MARCHF8: variants seen among roughly 807,000 people sequenced by gnomAD.
MARCHF8 encodes membrane associated ring-CH-type finger 8, also known as E3 ubiquitin-protein ligase MARCHF8.
In MARCHF8, 40 loss-of-function variants were observed where a neutral mutation model predicts 51.6. That is an observed-to-expected ratio of 0.77 (90% CI 0.60 to 1.01). The LOEUF (loss-of-function observed/expected upper bound fraction) is 1.01, where lower values mean the gene tolerates loss of function less well. MARCHF8 is among the 50% of genes least tolerant of loss of function. The pLI is 0.00. For synonymous variants in MARCHF8, 263 were observed against 280.3 expected, an observed-to-expected ratio of 0.94 and a Z score of 0.62; for missense variants, 685 against 708.6, an observed-to-expected ratio of 0.97 and a Z score of 0.38.
At chr10:45,562,762 G>T (rs1034375085) in intron 1 of MARCHF8, among the ~76,000 whole-genome samples, 3 of 152,270 alleles carry the variant, frequency 2.0e-5, no homozygotes, top group Non-Finnish European at 2.9e-5. Flanking sequence ...GCAAGTATGT[G>T]TCAGCAAACA....
chr10:45,527,004 C>T (rs1039156873), intron 2 of MARCHF8, among the ~76,000 whole-genome samples: 1 of 152,124 alleles, frequency 6.6e-6, no homozygotes, highest in African/African-American at 2.4e-5. Flanking sequence ...TGGAAATTAA[C>T]CTGCTCTTGA....
At chr10:45,565,946 A>G (rs1259999605) in intron 1 of MARCHF8, among the ~76,000 whole-genome samples, 2 of 152,222 alleles carry the variant, frequency 1.3e-5, no homozygotes, top group Non-Finnish European at 2.9e-5. Context: ...ACAGCACTAC[A>G]ATTCTTGTCT....
intron 2 of MARCHF8, among the ~76,000 whole-genome samples, chr10:45,512,004 A>T (rs1330138937): frequency 7.0e-6 from 1 of 142,770 alleles, no homozygotes; most frequent in African/African-American, 2.7e-5. Flanking sequence ...GGAAGTGAGG[A>T]GCGCCTCTTC....
At chr10:45,518,565 G>A (rs943471379) in intron 2 of MARCHF8, among the ~76,000 whole-genome samples, 10 of 152,114 alleles carry the variant, frequency 6.6e-5, no homozygotes, top group Non-Finnish European at 1.2e-4. Flanking sequence ...TTCAAAACCT[G>A]CCTCCTCAAA....
intron 2 of MARCHF8, among the ~76,000 whole-genome samples, chr10:45,525,311 A>G (rs978912907): frequency 3.3e-5 from 5 of 152,220 alleles, no homozygotes; most frequent in Non-Finnish European, 5.9e-5. Context: ...TATATAAAAT[A>G]CCACTTTTAT....
At chr10:45,512,905 C>T (rs2133206518) in intron 2 of MARCHF8, among the ~76,000 whole-genome samples, 1 of 152,090 alleles carries the variant, frequency 6.6e-6, no homozygotes, top group South Asian at 2.1e-4. Context: ...CCTTGGGATC[C>T]TGTTGATCGG....
At chr10:45,549,563 G>A (rs9422649) in intron 1 of MARCHF8, among the ~76,000 whole-genome samples, 2,075 of 152,250 alleles carry the variant, frequency 0.014, 23 homozygotes, top group Middle Eastern at 0.017. Flanking sequence ...GTCAAGAAGG[G>A]GGAAAAGAGA....
chr10:45,547,538 T>C (rs2044142214), intron 1 of MARCHF8, among the ~76,000 whole-genome samples: 1 of 152,182 alleles, frequency 6.6e-6, no homozygotes, highest in Admixed American at 6.5e-5. Context: ...TTAGAATGGA[T>C]AAAAATGCAC....
At chr10:45,492,588 C>A (rs978799588) in intron 2 of MARCHF8, among the ~76,000 whole-genome samples, 1 of 152,300 alleles carries the variant, frequency 6.6e-6, no homozygotes, top group Non-Finnish European at 1.5e-5. Flanking sequence ...TGAGCCACTG[C>A]GCCCAGCCTA....
chr10:45,546,148 T>G (rs1292828219), intron 1 of MARCHF8, among the ~76,000 whole-genome samples: 1 of 150,928 alleles, frequency 6.6e-6, no homozygotes, highest in Non-Finnish European at 1.5e-5. Flanking sequence ...TTTTATTTAT[T>G]TATTTATTTA....
chr10:45,583,323 T>C (rs1464939002), intron 1 of MARCHF8, among the ~76,000 whole-genome samples: 1 of 152,150 alleles, frequency 6.6e-6, no homozygotes, highest in Non-Finnish European at 1.5e-5. Context: ...ATTGCCACTA[T>C]CCAATTTAAA....
intron 2 of MARCHF8, among the ~76,000 whole-genome samples, chr10:45,530,730 G>A (rs1001645492): frequency 1.4e-4 from 22 of 152,118 alleles, no homozygotes; most frequent in Non-Finnish European, 2.2e-4. Context: ...CTGTGATCAC[G>A]CCACTGTATG....
At chr10:45,477,134 C>T (rs1449918238) in intron 3 of MARCHF8, among the ~76,000 whole-genome samples, 1 of 152,036 alleles carries the variant, frequency 6.6e-6, no homozygotes, top group Non-Finnish European at 1.5e-5. Flanking sequence ...ATCGAACCAA[C>T]AGCAGACTTG....
At chr10:45,573,534 G>A (rs1242664841) in intron 1 of MARCHF8, among the ~76,000 whole-genome samples, 1 of 152,136 alleles carries the variant, frequency 6.6e-6, no homozygotes, top group Non-Finnish European at 1.5e-5. Flanking sequence ...TGAAGCCCGG[G>A]ATTCCTCCTA....
intron 2 of MARCHF8, among the ~76,000 whole-genome samples, chr10:45,501,225 G>C (rs1482177805): frequency 6.6e-6 from 1 of 151,412 alleles, no homozygotes; most frequent in Non-Finnish European, 1.5e-5. Context: ...CAATCCTAAA[G>C]AATCCTAAAA....
At chr10:45,562,126 A>C (rs149652275) in intron 1 of MARCHF8, among the ~76,000 whole-genome samples, 2 of 152,256 alleles carry the variant, frequency 1.3e-5, no homozygotes, top group East Asian at 3.9e-4. Flanking sequence ...AATGAAAAAC[A>C]CTAAAGAGAT....
intron 1 of MARCHF8, among the ~76,000 whole-genome samples, chr10:45,566,782 G>A (rs112309425): frequency 4.0e-5 from 6 of 150,264 alleles, no homozygotes; most frequent in Non-Finnish European, 5.9e-5. Context: ...GCGGGGGGAG[G>A]GGGGGAGGGT....
chr10:45,572,446 TTATTTTCTTCTGCAA>T (rs1006950013), intron 1 of MARCHF8, among the ~76,000 whole-genome samples: 2 of 152,318 alleles, frequency 1.3e-5, no homozygotes, highest in African/African-American at 2.4e-5. Flanking sequence ...CCTAAATGCC[TTATTTTCTTCTGCAA>T]TATTTTCTTC....
chr10:45,504,445 GA>G (rs2043342620), intron 2 of MARCHF8, among the ~76,000 whole-genome samples: 3 of 152,112 alleles, frequency 2.0e-5, no homozygotes, highest in Non-Finnish European at 4.4e-5. Context: ...ACTCCGTCTC[GA>G]AAAAAACTAA....
Sources: gnomAD v4.1 joint callset for allele counts (sites outside exome capture counted in the v4.1 genomes callset) on GRCh38, gnomAD v4.1.1 for gene constraint, MANE v1.5 for transcripts, NCBI Gene and HGNC (gene_info 2026-07-23, HGNC 2026-07-21) for gene names.